The following CHN2 variants were observed in gnomAD, a reference collection of about 807,000 sequenced individuals.
CHN2 encodes the protein beta-chimaerin.
Under a neutral mutation model 56.3 loss-of-function variants are expected in CHN2, and 35 were observed. The ratio of observed to expected loss-of-function variants is 0.62; its 90% CI spans 0.47 to 0.82. The LOEUF is 0.82. Among genes scored for constraint, CHN2 ranks in the 40% least tolerant of loss-of-function variants. The pLI is 0.00. For synonymous variants in CHN2, 210 were observed against 212.8 expected (o/e 0.99, Z 0.12); for missense variants, 491 against 580.5 (o/e 0.85, Z 1.58).
In CHN2 at chr7:29,499,863, A is replaced by G. The variant is rs746238329; in HGVS notation, c.740-4A>G. 2 of 1,576,478 alleles carry G rather than the reference A, an allele frequency of 1.3e-6. No individual in the cohort carries two copies. Among genetic ancestry groups the G allele is most frequent in the African/African-American group, 1.4e-5 (1 of 73,432 alleles). ...CTAGGCTAATGTGGCTTCTTTGTTT[A>G]CAGACTGTGGATTGAACGTACACAA... On this transcript the variant is annotated splice_region_variant and splice_polypyrimidine_tract_variant and intron_variant, in intron 8 of 12. Coordinates refer to ENST00000222792, the MANE Select transcript of CHN2 (RefSeq NM_004067.4).
intron 3 of CHN2, among the ~76,000 whole-genome samples, chr7:29,374,088 T>C (rs1387466536): frequency 6.6e-6 from 1 of 152,224 alleles, no homozygotes; most frequent in African/African-American, 2.4e-5. Flanking sequence ...AGGCTATTTC[T>C]TCCCTTGCAG....
At chr7:29,286,283 C>T (rs3812349) in intron 1 of CHN2, among the ~76,000 whole-genome samples, 1 of 150,940 alleles carries the variant, frequency 6.6e-6, no homozygotes, top group African/African-American at 2.4e-5. Flanking sequence ...ACCAGTGAAC[C>T]TTGGAGTACC....
At chr7:29,252,473 C>A (rs576844616) in intron 1 of CHN2, among the ~76,000 whole-genome samples, 16 of 151,562 alleles carry the variant, frequency 1.1e-4, no homozygotes, top group Admixed American at 3.9e-4. Context: ...CAGGCGCAAG[C>A]CACTGCACCC....
chr7:29,228,626 G>A (rs62444119), intron 1 of CHN2, among the ~76,000 whole-genome samples: 49 of 152,336 alleles, frequency 3.2e-4, no homozygotes, highest in Middle Eastern at 3.4e-3. Context: ...TCTTTAAAAT[G>A]ACTAGACCAG....
At chr7:29,209,467 T>G (rs1458540483) in intron 1 of CHN2, among the ~76,000 whole-genome samples, 1 of 152,264 alleles carries the variant, frequency 6.6e-6, no homozygotes, top group Non-Finnish European at 1.5e-5. Flanking sequence ...AACTCATATG[T>G]TGTTTTCACT....
intron 1 of CHN2, among the ~76,000 whole-genome samples, chr7:29,210,726 G>T (rs1428041526): frequency 2.0e-5 from 3 of 152,042 alleles, no homozygotes; most frequent in Non-Finnish European, 2.9e-5. Flanking sequence ...GGGGTAAGGG[G>T]GTCTGAGTGT....
chr7:29,395,429 G>GGA (rs1030829608), intron 4 of CHN2, among the ~76,000 whole-genome samples: 3 of 152,102 alleles, frequency 2.0e-5, no homozygotes, highest in African/African-American at 7.2e-5. Context: ...ACCACAGGTG[G>GGA]GAGGTGGGAG....
chr7:29,146,776 T>A (rs1792757580), intron 1 of CHN2: 1 of 1,549,176 alleles, frequency 6.5e-7, no homozygotes, highest in Admixed American at 2.0e-5. Flanking sequence ...TATTTTGATT[T>A]TGTCTCCCAG....
At chr7:29,409,741 A>C (rs1803018217) in intron 6 of CHN2, among the ~76,000 whole-genome samples, 1 of 152,240 alleles carries the variant, frequency 6.6e-6, no homozygotes, top group African/African-American at 2.4e-5. Flanking sequence ...TTACTGTAAT[A>C]AAATCAGTTT....
chr7:29,428,218 G>A (rs571527875), intron 6 of CHN2, among the ~76,000 whole-genome samples: 28 of 152,326 alleles, frequency 1.8e-4, no homozygotes, highest in Admixed American at 7.2e-4. Flanking sequence ...GAATGAGTTA[G>A]TAGAGTGCTT....
At chr7:29,490,277 C>A (rs1788518488) in intron 7 of CHN2, among the ~76,000 whole-genome samples, 1 of 152,174 alleles carries the variant, frequency 6.6e-6, no homozygotes, top group Admixed American at 6.5e-5. Flanking sequence ...CTCAATCTTT[C>A]CCAGGCTGGT....
chr7:29,315,468 C>T (rs1404381819), intron 1 of CHN2, among the ~76,000 whole-genome samples: 1 of 152,182 alleles, frequency 6.6e-6, no homozygotes, highest in East Asian at 1.9e-4. Context: ...TAAGAGATGA[C>T]ATTGCATTAG....
Position 29,266,443 on chromosome 7 carries a change from G to A in CHN2, c.49+71453G>A, listed in dbSNP as rs571160752. ...GCCAGAGAGACCAGCAACAGCTTTTGTCGGTCAATTACAAGGCTGTGGTCT... is the reference window on the plus strand; with the variant it reads ...GCCAGAGAGACCAGCAACAGCTTTTATCGGTCAATTACAAGGCTGTGGTCT... On this transcript the variant is annotated intron_variant, in intron 1 of 12. Transcript: ENST00000222792. Among the ~76,000 whole-genome samples, 79 of 152,202 alleles carry A rather than the reference G, an allele frequency of 5.2e-4. 1 individual carries two copies. Among genetic ancestry groups the A allele is most frequent in the Non-Finnish European group, 7.3e-4 (50 of 68,032 alleles).
At chr7:29,292,819 T>C in intron 1 of CHN2, 1 of 447,382 alleles carries the variant, frequency 2.2e-6, no homozygotes, top group Non-Finnish European at 4.5e-6. Context: ...AATCTGATTA[T>C]TTTTCTACTT....
chr7:29,234,537 A>G (rs1474819166), intron 1 of CHN2, among the ~76,000 whole-genome samples: 5 of 152,290 alleles, frequency 3.3e-5, no homozygotes, highest in Middle Eastern at 3.4e-3. Context: ...TGAGGTTTTA[A>G]TGGTGAGCAT....
At chr7:29,500,816 T>C (rs1188890468) in intron 9 of CHN2, among the ~76,000 whole-genome samples, 2 of 152,168 alleles carry the variant, frequency 1.3e-5, no homozygotes, top group East Asian at 3.8e-4. Flanking sequence ...TTCAAAGATT[T>C]AAAAGATCTA....
chr7:29,164,619 A>G (rs1449960312), intron 2 of CHN2, among the ~76,000 whole-genome samples: 5 of 151,874 alleles, frequency 3.3e-5, no homozygotes, highest in African/African-American at 1.2e-4. Flanking sequence ...CATCTCTACT[A>G]AAAATACAAA....
At chr7:29,241,344 G>T (rs1309876559) in intron 1 of CHN2, among the ~76,000 whole-genome samples, 1 of 152,136 alleles carries the variant, frequency 6.6e-6, no homozygotes, top group African/African-American at 2.4e-5. Context: ...CAGAGTCCCT[G>T]CTAGAGTGCT....
chr7:29,486,835 T>C (rs781496121), intron 7 of CHN2, among the ~76,000 whole-genome samples: 1 of 152,208 alleles, frequency 6.6e-6, no homozygotes, highest in Non-Finnish European at 1.5e-5. Context: ...CTAAAACACC[T>C]GTCCAGGACG....
Sources: gnomAD v4.1 joint callset for allele counts (sites outside exome capture counted in the v4.1 genomes callset) on GRCh38, gnomAD v4.1.1 for gene constraint, MANE v1.5 for transcripts, NCBI Gene and HGNC (gene_info 2026-07-23, HGNC 2026-07-21) for gene names.